The following FOXD4 variants were observed in gnomAD, a reference collection of about 807,000 sequenced individuals.
FOXD4 encodes the protein forkhead box protein D4.
In FOXD4, 22 loss-of-function variants were observed where a neutral mutation model predicts 26.5. The observed-to-expected ratio is 0.83, with a 90% CI of 0.59 to 1.18. The LOEUF (loss-of-function observed/expected upper bound fraction) is 1.18, where lower values mean the gene tolerates loss of function less well. Ranked by LOEUF, FOXD4 falls within the 50% of genes most tolerant of loss-of-function variation. The pLI is 0.00. For synonymous variants in FOXD4, 258 were observed against 273.7 expected (o/e 0.94, Z 0.57); for missense variants, 625 against 605.8 (o/e 1.03, Z -0.33).
At position 116,876 on chromosome 9, in the gene FOXD4, C is replaced by T; in HGVS notation, c.1244G>A (p.Gly415Asp). The T allele has an allele frequency of 6.2e-7, 1 of 1,610,396 alleles. No homozygotes were observed. Among genetic ancestry groups the T allele is most frequent in the Non-Finnish European group, 8.5e-7 (1 of 1,178,856 alleles). The change falls in exon 1 of 1, where the codon GGC (glycine) becomes GAC (aspartate). Residue 415 changes from glycine (G) to aspartate (D), a missense_variant. Gly to Asp is a moderately conservative substitution (Grantham distance 94, BLOSUM62 -1). Around this residue, in one of 3 missense-constraint regions of FOXD4, gnomAD observed 134 missense variants for 132.2 expected, o/e 1.01. Coordinates refer to ENST00000382500, the MANE Select transcript of FOXD4 (RefSeq NM_207305.5). Reference sequence around the variant, plus strand: ...AAAAACTGGTGAGGTCCCCTCTCCGCCCAAAGGGGCGGCCAGCGATGTCAG... The same window carrying T: ...AAAAACTGGTGAGGTCCCCTCTCCGTCCAAAGGGGCGGCCAGCGATGTCAG... ...SGLTSLAAPL[G>D]GEGTSPVFLV...
Position 117,930 on chromosome 9 carries a change from C to G in FOXD4, c.190G>C (p.Ala64Pro). The G allele has an allele frequency of 1.2e-6, 2 of 1,611,942 alleles. No homozygotes were observed. Among genetic ancestry groups the G allele is most frequent in the Non-Finnish European group, 1.7e-6 (2 of 1,179,848 alleles). Residue 64 changes from alanine to proline, a missense_variant, in exon 1 of 1, where the codon GCG becomes CCG. Ala to Pro is a conservative substitution (Grantham distance 27). Coordinates refer to ENST00000382500, the MANE Select transcript of FOXD4 (RefSeq NM_207305.5). ...GLQVARWGGV[A>P]LPREHIEGGG... ...CCCTCGATGTGCTCTCGGGGAAGCG[C>G]AACCCCGCCCCACCGGGCCACCTGC...
chr9:117,530 C>T lies in FOXD4; in HGVS notation c.590G>A (p.Arg197Lys), dbSNP rs369349692. ...CGGTTGGTGGCGCTGGAAACGCTTCCTACGCCGGAGAAAGCTGCCATTGTC... is the reference window on the plus strand; with the variant it reads ...CGGTTGGTGGCGCTGGAAACGCTTCTTACGCCGGAGAAAGCTGCCATTGTC... ...MFDNGSFLRR[R>K]KRFQRHQPTP... The change falls in exon 1 of 1, where the codon AGG (arginine) becomes AAG (lysine). Residue 197 changes from arginine to lysine, a missense_variant. Arg to Lys is a conservative substitution (Grantham distance 26). Around this residue, in one of 3 missense-constraint regions of FOXD4, gnomAD observed 399 missense variants for 329.4 expected, o/e 1.21. Transcript: ENST00000382500. The T allele has an allele frequency of 2.5e-6, 4 of 1,612,324 alleles. No homozygotes were observed. Among genetic ancestry groups the T allele is most frequent in the African/African-American group, 2.7e-5 (2 of 74,872 alleles).
chr9:116,632 C>T lies in FOXD4; in HGVS notation c.*168G>A, dbSNP rs1182383830. 22 of 1,167,520 alleles carry T rather than the reference C, an allele frequency of 1.9e-5. No individual in the cohort carries two copies. The highest frequency in any genetic ancestry group is 3.1e-4 in the Middle Eastern group (1 of 3,266). The allele number at this position is 1,167,520 out of a possible 1,614,324, so 72.3% of individuals were successfully genotyped here. On this transcript the variant is annotated 3_prime_UTR_variant, in exon 1 of 1. Transcript: ENST00000382500. ...ATGACTTGACGCCCTGCGAAGGTTA[C>T]GTTCAGGTGGTTTTTAGAGGAACGT...
In FOXD4 at chr9:117,540, G is replaced by C. The variant is rs746689655; in HGVS notation, c.580C>G (p.Leu194Val). 3.1e-6 allele frequency: 5 copies of C among 1,612,728 alleles called. No individual in the cohort carries two copies. Among genetic ancestry groups the C allele is most frequent in the Non-Finnish European group, 4.2e-6 (5 of 1,180,014 alleles). ...CGCTGGAAACGCTTCCTACGCCGGA[G>C]AAAGCTGCCATTGTCGAACATGTCC... ...SQDMFDNGSF[L>V]RRRKRFQRHQ... Residue 194 changes from leucine (L) to valine (V), a missense_variant, in exon 1 of 1, where the codon CTC becomes GTC. By Grantham distance (32) the Leu-to-Val change is conservative. This residue lies in a region of FOXD4 where 399 missense variants were observed against 329.4 expected (regional missense o/e 1.21). Transcript: ENST00000382500.
chr9:118,073 C>G lies in FOXD4; in HGVS notation c.47G>C (p.Ser16Thr), dbSNP rs1819422489. Residue 16 changes from serine to threonine, a missense_variant, in exon 1 of 1, where the codon AGC becomes ACC. Physicochemically the swap from Ser to Thr is moderately conservative, Grantham distance 58 (BLOSUM62 1). Coordinates refer to ENST00000382500, the MANE Select transcript of FOXD4 (RefSeq NM_207305.5). ...GTCTTCCCCATCGGAGTCCCGGAGG[C>G]TGCGCTGCGGTGTGGAGCGAAGGCG... ...AERLRSTPQR[S>T]LRDSDGEDGK... 1.9e-6 allele frequency: 3 copies of G among 1,612,020 alleles called. No individual in the cohort carries two copies. The highest frequency in any genetic ancestry group is 2.5e-6 in the Non-Finnish European group (3 of 1,179,856).
Position 117,143 on chromosome 9 carries a change from G to A in FOXD4, c.977C>T (p.Ser326Leu), listed in dbSNP as rs1563739163. The stretch of plus-strand genomic sequence containing the variant: ...TACCCGCTCCCCTGACCCCTTGCAT[G>A]ATACTCTCAATGCTGAAAGAGATGC... ...ADASLSALRV[S>L]CKGSGERVQG... The change falls in exon 1 of 1, where the codon TCA becomes TTA. Residue 326 changes from serine to leucine, a missense_variant. Physicochemically the swap from Ser to Leu is moderately radical, Grantham distance 145. This residue lies in a region of FOXD4 where 92 missense variants were observed against 144.2 expected (regional missense o/e 0.64). Transcript: ENST00000382500. The A allele has an allele frequency of 1.2e-6, 2 of 1,611,820 alleles. No homozygotes were observed. Among genetic ancestry groups the A allele is most frequent in the South Asian group, 1.1e-5 (1 of 90,978 alleles).
At position 117,174 on chromosome 9, in the gene FOXD4, C is replaced by G; in HGVS notation, c.946G>C (p.Ala316Pro). 1 of 1,611,318 alleles carries G rather than the reference C, an allele frequency of 6.2e-7. No homozygotes were observed. Among genetic ancestry groups the G allele is most frequent in the Non-Finnish European group, 8.5e-7 (1 of 1,179,836 alleles). Residue 316 changes from alanine to proline, a missense_variant, in exon 1 of 1, where the codon GCG becomes CCG. Coordinates refer to ENST00000382500, the MANE Select transcript of FOXD4 (RefSeq NM_207305.5). ...RARVWRRHRE[A>P]DASLSALRVS... Reference sequence around the variant, plus strand: ...CTCAATGCTGAAAGAGATGCATCCGCCTCCCGGTGGCGACGCCAGACCCTT... The same window carrying G: ...CTCAATGCTGAAAGAGATGCATCCGGCTCCCGGTGGCGACGCCAGACCCTT...
At position 118,143 on chromosome 9, in the gene FOXD4, A is replaced by G. The variant is rs1260612240; in HGVS notation, c.-24T>C. On this transcript the variant is annotated 5_prime_UTR_variant, in exon 1 of 1. Transcript: ENST00000382500. The stretch of plus-strand genomic sequence containing the variant: ...ATGGCGGAGCAGGTGCTTCAGTCGC[A>G]GGGGATGTGGCGGCCGGATCACCTG... 2 of 1,608,374 alleles carry G rather than the reference A, an allele frequency of 1.2e-6. No individual in the cohort carries two copies. The highest frequency in any genetic ancestry group is 2.2e-5 in the East Asian group (1 of 44,584).
At position 118,110 on chromosome 9, in the gene FOXD4, G is replaced by C. The variant is rs771118671; in HGVS notation, c.10C>G (p.Pro4Ala). The change falls in exon 1 of 1, where the codon CCA becomes GCA. Residue 4 changes from proline to alanine, a missense_variant. Physicochemically the swap from Pro to Ala is conservative, Grantham distance 27 (BLOSUM62 -1). This residue lies in a region of FOXD4 where 399 missense variants were observed against 329.4 expected (regional missense o/e 1.21). Coordinates refer to ENST00000382500, the MANE Select transcript of FOXD4 (RefSeq NM_207305.5). MNL[P>A]RAERLRSTPQ... The stretch of plus-strand genomic sequence containing the variant: ...GTGGAGCGAAGGCGCTCAGCTCTTG[G>C]CAAGTTCATGGCGGAGCAGGTGCTT... 1 of 1,612,004 alleles carries C rather than the reference G, an allele frequency of 6.2e-7. No individual in the cohort carries two copies.
chr9:117,468 G>T lies in FOXD4; in HGVS notation c.652C>A (p.Pro218Thr). Residue 218 changes from proline to threonine, a missense_variant, in exon 1 of 1, where the codon CCT becomes ACT. Around this residue, in one of 3 missense-constraint regions of FOXD4, gnomAD observed 399 missense variants for 329.4 expected, o/e 1.21. Coordinates refer to ENST00000382500, the MANE Select transcript of FOXD4 (RefSeq NM_207305.5). The stretch of plus-strand genomic sequence containing the variant: ...TTGTGCAGGGCGGCGTGTGCAGCAG[G>T]TAGAGGGAAGGGGTGGGGCAGGTGG... ...GAHLPHPFPL[P>T]AAHAALHNPR... 1 of 1,606,202 alleles carries T rather than the reference G, an allele frequency of 6.2e-7. No homozygotes were observed. The highest frequency in any genetic ancestry group is 1.1e-5 in the South Asian group (1 of 90,978).
chr9:117,179 C>G lies in FOXD4; in HGVS notation c.941G>C (p.Arg314Pro). Residue 314 changes from arginine (R) to proline (P), a missense_variant, in exon 1 of 1, where the codon CGG (arginine) becomes CCG (proline). Physicochemically the swap from Arg to Pro is moderately radical, Grantham distance 103. Coordinates refer to ENST00000382500, the MANE Select transcript of FOXD4 (RefSeq NM_207305.5). ...TGCTGAAAGAGATGCATCCGCCTCC[C>G]GGTGGCGACGCCAGACCCTTGCCCT... is the stretch of plus-strand genomic sequence containing the variant. ...GRRARVWRRH[R>P]EADASLSALR... is the part of the protein sequence containing the mutation. 2 of 1,611,028 alleles carry G rather than the reference C, an allele frequency of 1.2e-6. No homozygotes were observed. The highest frequency in any genetic ancestry group is 1.7e-6 in the Non-Finnish European group (2 of 1,179,822).
At position 118,068 on chromosome 9, in the gene FOXD4, G is replaced by C. The variant is rs1819422303; in HGVS notation, c.52C>G (p.Arg18Gly). ...TTACCGTCTTCCCCATCGGAGTCCC[G>C]GAGGCTGCGCTGCGGTGTGGAGCGA... is the stretch of plus-strand genomic sequence containing the variant. Reference protein sequence around the residue: ...RLRSTPQRSLRDSDGEDGKID... With the variant: ...RLRSTPQRSLGDSDGEDGKID... The change falls in exon 1 of 1, where the codon CGG (arginine) becomes GGG (glycine). Residue 18 changes from arginine (R) to glycine (G), a missense_variant. This residue lies in a region of FOXD4 where 399 missense variants were observed against 329.4 expected (regional missense o/e 1.21). Transcript: ENST00000382500. The C allele has an allele frequency of 1.2e-6, 2 of 1,612,002 alleles. No homozygotes were observed. Among genetic ancestry groups the C allele is most frequent in the East Asian group, 4.5e-5 (2 of 44,878 alleles).
At position 116,772 on chromosome 9, in the gene FOXD4, G is replaced by A. The variant is rs759328745; in HGVS notation, c.*28C>T. On this transcript the variant is annotated 3_prime_UTR_variant, in exon 1 of 1. Coordinates refer to ENST00000382500, the MANE Select transcript of FOXD4 (RefSeq NM_207305.5). ...GCCGCGCAAGGTGGAGTGAGCAGCT[G>A]CGGGTCGCTCCCCACTCCCACCTGG... 19 of 1,570,248 alleles carry A rather than the reference G, an allele frequency of 1.2e-5. No individual in the cohort carries two copies. The African/African-American group carries it at 2.6e-4, about 21-fold the overall frequency.
At position 117,424 on chromosome 9, in the gene FOXD4, C is replaced by A. The variant is rs770140962; in HGVS notation, c.696G>T (p.Leu232=). ...AALHNPRPGP[L]LGAPAPPQPV... Reference sequence around the variant, plus strand: ...GCTGCGGCGGGGCAGGGGCCCCAAGCAGAGGGCCTGGGCGGGGGTTGTGCA... The same window carrying A: ...GCTGCGGCGGGGCAGGGGCCCCAAGAAGAGGGCCTGGGCGGGGGTTGTGCA... Residue 232 remains leucine (L), a synonymous_variant, in exon 1 of 1, where the codon CTG becomes CTT. Transcript: ENST00000382500. 2 of 1,595,034 alleles carry A rather than the reference C, an allele frequency of 1.3e-6. No homozygotes were observed. Among genetic ancestry groups the A allele is most frequent in the South Asian group, 1.1e-5 (1 of 90,838 alleles).
rs1199698576 is a variant in FOXD4 at position 117,914 on chromosome 9, T to C, written c.206A>G (p.His69Arg). The change falls in exon 1 of 1, where the codon CAC (histidine) becomes CGC (arginine). Residue 69 changes from histidine to arginine, a missense_variant. Coordinates refer to ENST00000382500, the MANE Select transcript of FOXD4 (RefSeq NM_207305.5). ...RWGGVALPRE[H>R]IEGGGGPSDP... ...GCTCGGGCCGCCGCCGCCCTCGATG[T>C]GCTCTCGGGGAAGCGCAACCCCGCC... The C allele has an allele frequency of 2.5e-6, 4 of 1,611,922 alleles. No individual in the cohort carries two copies. The highest frequency in any genetic ancestry group is 2.5e-6 in the Non-Finnish European group (3 of 1,179,830).
Position 117,614 on chromosome 9 carries a change from G to C in FOXD4, c.506C>G (p.Pro169Arg), listed in dbSNP as rs1245134963. Residue 169 changes from proline to arginine, a missense_variant, in exon 1 of 1, where the codon CCG (proline) becomes CGG (arginine). Physicochemically the swap from Pro to Arg is moderately radical, Grantham distance 103. Around this residue, in one of 3 missense-constraint regions of FOXD4, gnomAD observed 399 missense variants for 329.4 expected, o/e 1.21. Coordinates refer to ENST00000382500, the MANE Select transcript of FOXD4 (RefSeq NM_207305.5). ...NDCFVKIPRE[P>R]GRPGKGNYWS... Reference sequence around the variant, plus strand: ...GTAGTTGCCCTTGCCTGGGCGGCCCGGCTCGCGGGGGATCTTGACGAAGCA... The same window carrying C: ...GTAGTTGCCCTTGCCTGGGCGGCCCCGCTCGCGGGGGATCTTGACGAAGCA... The C allele has an allele frequency of 2.5e-6, 4 of 1,613,820 alleles. No homozygotes were observed. The Admixed American group carries it at 5.0e-5, about 20-fold the overall frequency.
the FOXD4 span, chr9:117,807 GC>G: frequency 1.9e-6 from 3 of 1,612,848 alleles, no homozygotes; most frequent in African/African-American, 4.0e-5. Flanking sequence ...GAGGAGGGGG[GC>G]TTTGCCGGCT....
chr9:116,940 C>G lies in FOXD4; in HGVS notation c.1180G>C (p.Ala394Pro). ...VLGGHLSAAS[A>P]LLRYQAVAEG... ...GCCACCGCCTGATACCGCAGCAGCG[C>G]CGACGCGGCCGACAGGTGCCCGCCC... Residue 394 changes from alanine to proline, a missense_variant, in exon 1 of 1, where the codon GCG (alanine) becomes CCG (proline). Physicochemically the swap from Ala to Pro is conservative, Grantham distance 27 (BLOSUM62 -1). This residue lies in a region of FOXD4 where 134 missense variants were observed against 132.2 expected (regional missense o/e 1.01). Transcript: ENST00000382500. 1 of 1,611,296 alleles carries G rather than the reference C, an allele frequency of 6.2e-7. No individual in the cohort carries two copies. The highest frequency in any genetic ancestry group is 8.5e-7 in the Non-Finnish European group (1 of 1,179,414).
chr9:116,847 C>T lies in FOXD4; in HGVS notation c.1273G>A (p.Val425Ile), dbSNP rs1258466143. Residue 425 changes from valine to isoleucine, a missense_variant, in exon 1 of 1, where the codon GTA becomes ATA. Transcript: ENST00000382500. ...GGEGTSPVFL[V>I]SPTPSSLAES... The stretch of plus-strand genomic sequence containing the variant: ...GCCAGGGAACTGGGCGTGGGCGATA[C>T]TAAAAAAACTGGTGAGGTCCCCTCT... 2 of 1,607,812 alleles carry T rather than the reference C, an allele frequency of 1.2e-6. No individual in the cohort carries two copies. The highest frequency in any genetic ancestry group is 1.7e-6 in the Non-Finnish European group (2 of 1,177,790).
Sources: allele counts gnomAD v4.1 joint callset, GRCh38; gene constraint gnomAD v4.1.1; regional missense constraint gnomAD v4.1.1; transcripts MANE v1.5; gene names NCBI Gene and HGNC (gene_info 2026-07-23, HGNC 2026-07-21).